Variants in GPC5 observed in about 807,000 individuals in gnomAD.
The protein encoded by GPC5 is glypican 5, also known as glypican-5.
A neutral mutation model predicts 53.9 loss-of-function variants in GPC5; 47 were observed. That is an observed-to-expected ratio of 0.87 (90% CI 0.69 to 1.11). The LOEUF (loss-of-function observed/expected upper bound fraction) is 1.11. Ranked by LOEUF, GPC5 falls within the 50% of genes most tolerant of loss-of-function variation. The pLI, the probability that GPC5 is intolerant of heterozygous loss-of-function variation, is 0.00. For missense variants in GPC5, 748 were observed against 713.1 expected, an observed-to-expected ratio of 1.05 and a Z score of -0.56; for synonymous variants, 286 against 263.3, an observed-to-expected ratio of 1.09 and a Z score of -0.84.
chr13:92,475,787 T>C (rs1422474452), intron 7 of GPC5, among the ~76,000 whole-genome samples: 1 of 152,080 alleles, frequency 6.6e-6, no homozygotes, highest in African/African-American at 2.4e-5. Flanking sequence ...ACACAAGCAA[T>C]GGGGAAAGGA....
At chr13:91,724,363 C>T (rs1486380113) in intron 3 of GPC5, among the ~76,000 whole-genome samples, 1 of 152,076 alleles carries the variant, frequency 6.6e-6, no homozygotes, top group African/African-American at 2.4e-5. Flanking sequence ...AATCAGTTAC[C>T]CTGACATCCA....
chr13:92,215,165 A>C (rs1449096856), intron 7 of GPC5, among the ~76,000 whole-genome samples: 5 of 152,226 alleles, frequency 3.3e-5, no homozygotes, highest in African/African-American at 1.2e-4. Context: ...TATCCATGTG[A>C]AAAACAGGGA....
chr13:92,250,588 C>T (rs1306746571), intron 7 of GPC5, among the ~76,000 whole-genome samples: 2 of 152,050 alleles, frequency 1.3e-5, no homozygotes, highest in South Asian at 2.1e-4. Context: ...TGGAGAGGCT[C>T]ATCAGGAATA....
At chr13:92,095,556 A>T (rs2041415384) in intron 6 of GPC5, among the ~76,000 whole-genome samples, 1 of 151,660 alleles carries the variant, frequency 6.6e-6, no homozygotes, top group African/African-American at 2.4e-5. Flanking sequence ...TTTTTTTGAG[A>T]CAGAGTCTCC....
intron 7 of GPC5, among the ~76,000 whole-genome samples, chr13:92,602,384 C>G (rs1034174505): frequency 6.6e-6 from 1 of 151,364 alleles, no homozygotes. Flanking sequence ...TTTATTCCAA[C>G]TAGCTGTCTA....
chr13:91,459,571 GT>G (rs1448393337), intron 2 of GPC5, among the ~76,000 whole-genome samples: 5 of 127,084 alleles, frequency 3.9e-5, no homozygotes, highest in African/African-American at 1.5e-4. Flanking sequence ...AGCCCAGGCT[GT>G]AGGAGGGGCT....
chr13:91,942,660 AAATAT>A (rs398117732), intron 6 of GPC5, among the ~76,000 whole-genome samples: 1 of 91,928 alleles, frequency 1.1e-5, no homozygotes, highest in African/African-American at 5.1e-5. Context: ...CTTGTGAAAA[AAATAT>A]AGATATAGAT....
At chr13:92,414,504 CAAA>C (rs368737499) in intron 7 of GPC5, among the ~76,000 whole-genome samples, 48,809 of 120,282 alleles carry the variant, frequency 0.41, 8,047 homozygotes, top group South Asian at 0.45. Context: ...GACTCTGTCT[CAAA>C]AAAAAAAAAA....
chr13:92,333,722 A>G (rs189301995), intron 7 of GPC5, among the ~76,000 whole-genome samples: 33 of 152,124 alleles, frequency 2.2e-4, no homozygotes, highest in African/African-American at 7.5e-4. Context: ...ATGTCCAGTT[A>G]TCAAGAAAGA....
At chr13:92,762,899 CTG>C (rs1445811637) in intron 7 of GPC5, among the ~76,000 whole-genome samples, 1 of 151,674 alleles carries the variant, frequency 6.6e-6, no homozygotes, top group Non-Finnish European at 1.5e-5. Context: ...TGTTGAAGCT[CTG>C]TGTTTTATTT....
chr13:92,494,700 G>A (rs1239542819), intron 7 of GPC5, among the ~76,000 whole-genome samples: 6 of 151,990 alleles, frequency 3.9e-5, no homozygotes, highest in Non-Finnish European at 8.8e-5. Context: ...ACTTTATAGG[G>A]AATGCCTGTA....
At chr13:91,964,279 G>A (rs1041959044) in intron 6 of GPC5, among the ~76,000 whole-genome samples, 2 of 152,188 alleles carry the variant, frequency 1.3e-5, no homozygotes, top group African/African-American at 2.4e-5. Context: ...CCTCCAAAGG[G>A]TGGAAAGAGA....
At chr13:91,728,506 A>G in intron 3 of GPC5, 26 bp from the exon 4 acceptor site, 1 of 1,599,036 alleles carries the variant, frequency 6.3e-7, no homozygotes. Context: ...ATTTCTAACT[A>G]CCTTTTAATG....
At chr13:92,750,351 T>C (rs554024819) in intron 7 of GPC5, among the ~76,000 whole-genome samples, 22 of 152,248 alleles carry the variant, frequency 1.4e-4, no homozygotes, top group African/African-American at 4.8e-4. Context: ...TAAATTTCAT[T>C]ATATATAAGT....
chr13:91,928,114 A>T (rs554669542), intron 6 of GPC5, among the ~76,000 whole-genome samples: 1 of 152,330 alleles, frequency 6.6e-6, no homozygotes, highest in South Asian at 2.1e-4. Context: ...ACTCAACTGA[A>T]TGATCACTTG....
chr13:92,000,571 G>T (rs2040545301), intron 6 of GPC5, among the ~76,000 whole-genome samples: 1 of 152,086 alleles, frequency 6.6e-6, no homozygotes, highest in Non-Finnish European at 1.5e-5. Flanking sequence ...AATGACTTTA[G>T]ATGTGGATGA....
intron 6 of GPC5, among the ~76,000 whole-genome samples, chr13:92,107,650 T>G: frequency 6.6e-6 from 1 of 152,288 alleles, no homozygotes; most frequent in African/African-American, 2.4e-5. Context: ...TATTTGTTGC[T>G]CTGTATGGAT....
At chr13:92,061,925 G>T (rs1008766117) in intron 6 of GPC5, among the ~76,000 whole-genome samples, 3 of 151,978 alleles carry the variant, frequency 2.0e-5, no homozygotes, top group East Asian at 3.8e-4. Context: ...TAGGCTATAA[G>T]ATCTTTTTCA....
intron 6 of GPC5, among the ~76,000 whole-genome samples, chr13:91,945,428 T>C (rs984128487): frequency 6.6e-6 from 1 of 152,226 alleles, no homozygotes; most frequent in Admixed American, 6.5e-5. Context: ...TTAAAATTTA[T>C]GTTGGAATGT....
Sources: gnomAD v4.1 joint callset for allele counts (sites outside exome capture counted in the v4.1 genomes callset) on GRCh38, gnomAD v4.1.1 for gene constraint, MANE v1.5 for transcripts, NCBI Gene and HGNC (gene_info 2026-07-23, HGNC 2026-07-21) for gene names.